The following LRIG1 variants were observed in gnomAD, a reference collection of about 807,000 sequenced individuals.
LRIG1 encodes leucine rich repeats and immunoglobulin like domains 1, also known as leucine-rich repeats and immunoglobulin-like domains protein 1.
Under a neutral mutation model 99.2 loss-of-function variants are expected in LRIG1, and 48 were observed. The ratio of observed to expected loss-of-function variants is 0.48; its 90% CI spans 0.38 to 0.62. The LOEUF (loss-of-function observed/expected upper bound fraction) is 0.62. Ranked by LOEUF, LRIG1 falls within the 20% of genes least tolerant of loss-of-function variation. LRIG1 has a pLI of 0.00. For missense variants in LRIG1, 1,646 were observed against 1,434.4 expected, an observed-to-expected ratio of 1.15 and a Z score of -2.38; for synonymous variants, 772 against 596.1, an observed-to-expected ratio of 1.29 and a Z score of -4.30.
At chr3:66,393,377 T>G (rs1559773361) in intron 12 of LRIG1, among the ~76,000 whole-genome samples, 1 of 152,234 alleles carries the variant, frequency 6.6e-6, no homozygotes, top group African/African-American at 2.4e-5. Context: ...TTTGACCATG[T>G]CTTCCTGACC....
intron 3 of LRIG1, among the ~76,000 whole-genome samples, chr3:66,439,716 A>G (rs1273767886): frequency 3.3e-5 from 5 of 152,196 alleles, no homozygotes; most frequent in African/African-American, 1.2e-4. Context: ...ATATAGGTAG[A>G]ATGCAAATGA....
intron 1 of LRIG1, among the ~76,000 whole-genome samples, chr3:66,475,265 C>A (rs1235455211): frequency 6.6e-6 from 1 of 152,196 alleles, no homozygotes; most frequent in Non-Finnish European, 1.5e-5. Flanking sequence ...GACTTCCCTC[C>A]AATAAACATG....
chr3:66,481,254 G>A (rs1201903041), intron 1 of LRIG1, among the ~76,000 whole-genome samples: 2 of 152,164 alleles, frequency 1.3e-5, no homozygotes, highest in Admixed American at 6.5e-5. Context: ...CTCCCCTTGC[G>A]CCATAAACTC....
At chr3:66,454,517 C>T (rs973053956) in intron 2 of LRIG1, among the ~76,000 whole-genome samples, 18 of 152,290 alleles carry the variant, frequency 1.2e-4, no homozygotes, top group Non-Finnish European at 1.5e-5. Flanking sequence ...CAATTTACTT[C>T]CCCTGCCGAC....
Position 66,500,331 on chromosome 3 carries a change from AG to A in LRIG1, c.76del (p.Leu26PhefsTer6), listed in dbSNP as rs749651385. On this transcript the variant is annotated frameshift_variant, in exon 1 of 19. Coordinates refer to ENST00000273261, the MANE Select transcript of LRIG1 (RefSeq NM_015541.3). LOFTEE classifies it high-confidence loss of function. ...PCLLLLWLLL[L>X]RLEPVTAAAG... is the part of the protein sequence containing the mutation. ...CGCGGCGGTCACCGGCTCCAGCCGAAGCAAAAGCAGCCAGAGAAGGAGAAGG... is the reference window on the plus strand; with the variant it reads ...CGCGGCGGTCACCGGCTCCAGCCGAACAAAAGCAGCCAGAGAAGGAGAAGG... 4.7e-6 allele frequency: 7 copies of A among 1,495,612 alleles called. No homozygotes were observed. The highest frequency in any genetic ancestry group is 2.3e-5 in the Admixed American group (1 of 43,122). 92.6% of individuals were successfully genotyped at this position (1,495,612 alleles called of 1,614,324 possible).
At chr3:66,395,931 G>C (rs1024491316) in intron 11 of LRIG1, among the ~76,000 whole-genome samples, 9 of 152,390 alleles carry the variant, frequency 5.9e-5, no homozygotes, top group African/African-American at 2.2e-4. Flanking sequence ...AAGCCTAGGA[G>C]AGAAGGCTGG....
chr3:66,479,828 C>A (rs1410826180), intron 1 of LRIG1, among the ~76,000 whole-genome samples: 4 of 152,206 alleles, frequency 2.6e-5, no homozygotes, highest in African/African-American at 9.6e-5. Context: ...GAAATGGGAA[C>A]CTTCATACCC....
At chr3:66,445,255 C>T (rs1242723287) in intron 3 of LRIG1, among the ~76,000 whole-genome samples, 1 of 151,650 alleles carries the variant, frequency 6.6e-6, no homozygotes, top group Non-Finnish European at 1.5e-5. Flanking sequence ...TTTACTTTTA[C>T]CCAAATGGTA....
chr3:66,412,022 G>A (rs1319256398), intron 6 of LRIG1, among the ~76,000 whole-genome samples: 3 of 152,144 alleles, frequency 2.0e-5, no homozygotes, highest in African/African-American at 4.8e-5. Context: ...AATTACTTTT[G>A]ATTAAAAATA....
At chr3:66,437,379 G>A (rs1703395347) in intron 3 of LRIG1, among the ~76,000 whole-genome samples, 1 of 152,244 alleles carries the variant, frequency 6.6e-6, no homozygotes, top group Non-Finnish European at 1.5e-5. Flanking sequence ...AGCCCTGGGG[G>A]CAAGCCCTGT....
intron 1 of LRIG1, among the ~76,000 whole-genome samples, chr3:66,473,337 A>G (rs938879876): frequency 1.3e-5 from 2 of 152,196 alleles, no homozygotes; most frequent in Non-Finnish European, 2.9e-5. Context: ...GGAAGCCAGA[A>G]GTTCCCCAGA....
rs560091864 is a variant in LRIG1 at position 66,379,763 on chromosome 3, C to G, written c.*500G>C. ...CCTTCCGGCGCATGTGGAGTCCCAC[C>G]GCACAGCAGCCTAGGGGTCTATGAA... On this transcript the variant is annotated 3_prime_UTR_variant, in exon 19 of 19. Transcript: ENST00000273261. The G allele has an allele frequency of 6.5e-6, 1 of 154,016 alleles. No homozygotes were observed. Among genetic ancestry groups the G allele is most frequent in the African/African-American group, 2.4e-5 (1 of 41,434 alleles). 9.5% of individuals were successfully genotyped at this position (154,016 alleles called of 1,614,324 possible). A position where few individuals can be genotyped will look rare whatever the true frequency, so the allele number is the denominator to read the frequency against.
intron 3 of LRIG1, among the ~76,000 whole-genome samples, chr3:66,448,121 G>A (rs1215108223): frequency 6.6e-6 from 1 of 152,194 alleles, no homozygotes; most frequent in Non-Finnish European, 1.5e-5. Flanking sequence ...TGACAAATAT[G>A]TTAACTGAAT....
chr3:66,492,925 A>T (rs1196339401), intron 1 of LRIG1, among the ~76,000 whole-genome samples: 1 of 152,240 alleles, frequency 6.6e-6, no homozygotes, highest in Non-Finnish European at 1.5e-5. Flanking sequence ...AGCAAACAGT[A>T]AACAGCTTTT....
rs1031577785 is a variant in LRIG1, at chr3:66,500,068, G to A, written c.218+122C>T. 24 of 715,074 alleles carry A rather than the reference G, an allele frequency of 3.4e-5. No individual in the cohort carries two copies. The African/African-American group carries it at 3.6e-4, about 11-fold the overall frequency. The allele number at this position is 715,074 out of a possible 1,614,324, so 44.3% of individuals were successfully genotyped here. A position where few individuals can be genotyped will look rare whatever the true frequency, so the allele number is the denominator to read the frequency against. On this transcript the variant is annotated intron_variant, in intron 1 of 18. Transcript: ENST00000273261. Reference sequence around the variant, plus strand: ...CCTGACAGTCTTCCAACACGCACAAGCACGCACAACTCCACACACACAACC... The same window carrying A: ...CCTGACAGTCTTCCAACACGCACAAACACGCACAACTCCACACACACAACC...
chr3:66,458,677 C>T (rs530324378), intron 2 of LRIG1, among the ~76,000 whole-genome samples: 3 of 151,654 alleles, frequency 2.0e-5, no homozygotes, highest in South Asian at 2.1e-4. Context: ...ACTCCAGCCA[C>T]GGTGACAGAG....
chr3:66,497,546 T>C (rs1701254583), intron 1 of LRIG1, among the ~76,000 whole-genome samples: 2 of 152,060 alleles, frequency 1.3e-5, no homozygotes, highest in Admixed American at 6.6e-5. Context: ...AACTGTAAGT[T>C]ATTGTGCTGA....
intron 8 of LRIG1, chr3:66,406,284 C>A (rs1702266644): frequency 4.1e-6 from 4 of 985,360 alleles, no homozygotes; most frequent in Admixed American, 6.1e-5. Flanking sequence ...ACTGAAAAAA[C>A]CAGGAACCAG....
rs1197698241 is a variant in LRIG1 at position 66,496,091 on chromosome 3, C to T, written c.218+4099G>A. ...CACACTACACTTAATTTTTCTTCAT[C>T]TTTCTGAAGATGGTTCCGAGAATTA... On this transcript the variant is annotated intron_variant, in intron 1 of 18. Transcript: ENST00000273261. Among the ~76,000 whole-genome samples, 5 of 152,342 alleles carry T rather than the reference C, an allele frequency of 3.3e-5. No homozygotes were observed. In the East Asian group the frequency reaches 9.6e-4, roughly 29 times the overall value.
Sources: allele counts gnomAD v4.1 joint callset (sites outside exome capture counted in the v4.1 genomes callset), GRCh38; gene constraint gnomAD v4.1.1; transcripts MANE v1.5; gene names NCBI Gene and HGNC (gene_info 2026-07-23, HGNC 2026-07-21).